Variants in GNG2 observed in about 807,000 individuals in gnomAD.
The protein encoded by GNG2 is guanine nucleotide-binding protein G(I)/G(S)/G(O) subunit gamma-2.
Under a neutral mutation model 5.5 loss-of-function variants are expected in GNG2, and 5 were observed. The observed-to-expected ratio is 0.91, with a 90% CI of 0.48 to 1.92. GNG2 has a LOEUF of 1.92. GNG2 is among the 30% of genes most tolerant of loss of function. The pLI is 0.01. For missense variants in GNG2, 55 were observed against 88.4 expected (o/e 0.62, Z 1.52); for synonymous variants, 28 against 32.0 (o/e 0.88, Z 0.42).
chr14:51,905,670 C>A (rs1594897882), intron 2 of GNG2, among the ~76,000 whole-genome samples: 1 of 152,162 alleles, frequency 6.6e-6, no homozygotes. Context: ...TATGGTTTGG[C>A]TGTGTCCCCA....
intron 2 of GNG2, among the ~76,000 whole-genome samples, chr14:51,943,527 C>T (rs750431396): frequency 3.3e-5 from 5 of 152,214 alleles, no homozygotes; most frequent in Admixed American, 6.5e-5. Flanking sequence ...CCATTATGTT[C>T]ACAAGGTGCA....
chr14:51,860,389 G>A (rs951298389), upstream of GNG2: 3 of 152,836 alleles, frequency 2.0e-5, no homozygotes, highest in African/African-American at 7.3e-5. Context: ...GGGAAGGAAG[G>A]AACAGACAGC....
chr14:51,948,948 C>A (rs1303083115), intron 2 of GNG2, among the ~76,000 whole-genome samples: 1 of 151,830 alleles, frequency 6.6e-6, no homozygotes, highest in African/African-American at 2.4e-5. Flanking sequence ...GGTGAAACCC[C>A]GTCTCTATTA....
chr14:51,880,619 A>G (rs913656538), intron 2 of GNG2, among the ~76,000 whole-genome samples: 2 of 152,152 alleles, frequency 1.3e-5, no homozygotes, highest in African/African-American at 4.8e-5. Flanking sequence ...ACTTTTAGAC[A>G]CTTCAGCAAT....
intron 1 of GNG2, among the ~76,000 whole-genome samples, chr14:51,877,184 C>T (rs1883735486): frequency 6.6e-6 from 1 of 152,214 alleles, no homozygotes; most frequent in Admixed American, 6.5e-5. Flanking sequence ...CACTCAAACT[C>T]TGTCCCTAAT....
chr14:51,880,999 C>T (rs1884033237), intron 2 of GNG2, among the ~76,000 whole-genome samples: 1 of 134,638 alleles, frequency 7.4e-6, no homozygotes, highest in East Asian at 2.3e-4. Flanking sequence ...CCCTGAGATT[C>T]AGAACTGAGA....
intron 2 of GNG2, chr14:51,841,471 C>T: frequency 2.9e-6 from 2 of 699,398 alleles, no homozygotes; most frequent in Admixed American, 2.0e-5. Context: ...CTGTAATCCT[C>T]TAAGGTAGAT....
At chr14:51,891,189 C>T (rs915651444) in intron 2 of GNG2, among the ~76,000 whole-genome samples, 13 of 152,080 alleles carry the variant, frequency 8.5e-5, no homozygotes, top group Admixed American at 5.2e-4. Context: ...GAGTGCGGGG[C>T]GGGATACCTT....
intron 2 of GNG2, among the ~76,000 whole-genome samples, chr14:51,948,190 G>T (rs1011255642): frequency 5.9e-5 from 9 of 152,206 alleles, no homozygotes; most frequent in Non-Finnish European, 1.3e-4. Context: ...GAGAGGCTTG[G>T]AATGTATCTT....
At chr14:51,858,367 C>T (rs1395253105), upstream of GNG2, among the ~76,000 whole-genome samples, 4 of 152,076 alleles carry the variant, frequency 2.6e-5, no homozygotes, top group African/African-American at 9.7e-5. Flanking sequence ...CCAACACTGG[C>T]GATTAACCTA....
chr14:51,852,583 T>C (rs2140089248), intron 2 of GNG2, among the ~76,000 whole-genome samples: 2 of 152,350 alleles, frequency 1.3e-5, no homozygotes, highest in South Asian at 4.1e-4. Flanking sequence ...TTTTCCTTTA[T>C]AAAACTGCAC....
rs148507640 is a variant in GNG2 at position 51,846,834 on chromosome 14, C to T, written c.64+19027C>T. Among the ~76,000 whole-genome samples the T allele has an allele frequency of 1.6e-3, 243 of 152,358 alleles. 2 individuals are homozygous for T. The highest frequency in any genetic ancestry group is 5.3e-3 in the African/African-American group (220 of 41,582). ...TTCCTAATTACAATTGCTTCCTTCC[C>T]TCCACTTTTGTGTGAGAGAAGAAAG... On this transcript the variant is annotated intron_variant, in intron 2 of 3. Transcript: ENST00000553432.
intron 2 of GNG2, among the ~76,000 whole-genome samples, chr14:51,940,666 G>A (rs1888264852): frequency 6.6e-6 from 1 of 152,150 alleles, no homozygotes; most frequent in Admixed American, 6.5e-5. Context: ...TCCGGGGCTT[G>A]TAAGAGTTGA....
chr14:51,855,012 C>T (rs1369640440), intron 2 of GNG2, among the ~76,000 whole-genome samples: 1 of 152,180 alleles, frequency 6.6e-6, no homozygotes, highest in Non-Finnish European at 1.5e-5. Context: ...TCCTCATCAA[C>T]ATTTATGTTT....
At chr14:51,933,485 G>A (rs1454414120) in intron 2 of GNG2, among the ~76,000 whole-genome samples, 1 of 152,174 alleles carries the variant, frequency 6.6e-6, no homozygotes, top group East Asian at 1.9e-4. Context: ...TCAAGGGACA[G>A]GTTTTATTTT....
chr14:51,908,668 C>T (rs201849347), intron 2 of GNG2, among the ~76,000 whole-genome samples: 2 of 60,538 alleles, frequency 3.3e-5, no homozygotes, highest in Non-Finnish European at 9.1e-5. Context: ...CTCCTGGGTT[C>T]AAGCAATTCT....
chr14:51,826,499 A>G (rs1457190318), intron 1 of GNG2, among the ~76,000 whole-genome samples: 1 of 152,118 alleles, frequency 6.6e-6, no homozygotes, highest in African/African-American at 2.4e-5. Flanking sequence ...GTTGGGAGGC[A>G]GGGGTGGTCT....
intron 2 of GNG2, among the ~76,000 whole-genome samples, chr14:51,935,454 T>C (rs1887937398): frequency 6.6e-6 from 1 of 152,194 alleles, no homozygotes; most frequent in South Asian, 2.1e-4. Context: ...TCCATTCTCC[T>C]AACAGAGTTT....
chr14:51,892,334 TAG>T (rs993234185), intron 2 of GNG2, among the ~76,000 whole-genome samples: 2 of 151,828 alleles, frequency 1.3e-5, no homozygotes, highest in African/African-American at 4.8e-5. Context: ...TTTTTTGAAA[TAG>T]AGTCTCACTT....
Sources: allele counts gnomAD v4.1 joint callset (sites outside exome capture counted in the v4.1 genomes callset), GRCh38; gene constraint gnomAD v4.1.1; transcripts MANE v1.5; gene names NCBI Gene and HGNC (gene_info 2026-07-23, HGNC 2026-07-21).